Variants in NT5DC1 observed in about 807,000 individuals in gnomAD.
The protein encoded by NT5DC1 is 5'-nucleotidase domain containing 1.
NT5DC1 carries 42 observed loss-of-function variants against 59.4 expected under a neutral mutation model. The ratio of observed to expected loss-of-function variants is 0.71; its 90% CI spans 0.55 to 0.92. NT5DC1 has a LOEUF of 0.92. NT5DC1 is among the 40% of genes least tolerant of loss of function. NT5DC1 has a pLI of 0.00. For missense variants in NT5DC1, 501 were observed against 537.1 expected (o/e 0.93, Z 0.66); for synonymous variants, 172 against 188.1 (o/e 0.91, Z 0.70).
At chr6:116,221,373 AC>A (rs2114541120) in intron 7 of NT5DC1, 145 bp downstream of exon 7, 1 of 582,752 alleles carries the variant, frequency 1.7e-6, no homozygotes, top group African/African-American at 1.8e-5. Context: ...CTCATGACAT[AC>A]CTCAATCTCT....
At chr6:116,221,991 A>G (rs1370289560) in intron 7 of NT5DC1, among the ~76,000 whole-genome samples, 1 of 152,218 alleles carries the variant, frequency 6.6e-6, no homozygotes, top group Non-Finnish European at 1.5e-5. Context: ...TGTTTCCTCA[A>G]ATTCCATCAA....
rs146163463 is a variant in NT5DC1, at chr6:116,208,298, G to A, written c.530-12756G>A. On this transcript the variant is annotated intron_variant, in intron 6 of 11. Transcript: ENST00000319550. ...TTCCAGCTTCTCTCTTCTGAAGGAG[G>A]TGGAAGATTTCAAGTAAGGATAATG... Among the ~76,000 whole-genome samples, 333 of 152,094 alleles carry A rather than the reference G, an allele frequency of 2.2e-3. 1 individual carries two copies. Among genetic ancestry groups the A allele is most frequent in the African/African-American group, 7.8e-3 (322 of 41,524 alleles).
At chr6:116,233,535 G>GT (rs1450638671) in intron 8 of NT5DC1, among the ~76,000 whole-genome samples, 1 of 152,188 alleles carries the variant, frequency 6.6e-6, no homozygotes, top group Non-Finnish European at 1.5e-5. Context: ...TTTCCTGTTT[G>GT]TGGCAATACC....
At chr6:116,120,047 A>G (rs1779060777) in intron 6 of NT5DC1, 1 of 1,527,380 alleles carries the variant, frequency 6.5e-7, no homozygotes, top group East Asian at 2.4e-5. Flanking sequence ...TTTCTAGCAC[A>G]AGATTTAGAT....
chr6:116,116,590 C>T (rs1216027119), intron 5 of NT5DC1, among the ~76,000 whole-genome samples: 5 of 152,016 alleles, frequency 3.3e-5, no homozygotes, highest in East Asian at 1.9e-4. Flanking sequence ...TGCAGTGAGC[C>T]GAGATCACGC....
chr6:116,185,475 C>A (rs912956353), intron 6 of NT5DC1, among the ~76,000 whole-genome samples: 2 of 152,050 alleles, frequency 1.3e-5, no homozygotes. Context: ...AAGTCCCCCA[C>A]TATTATTGTG....
intron 11 of NT5DC1, among the ~76,000 whole-genome samples, chr6:116,240,348 T>C (rs911006409): frequency 2.0e-5 from 3 of 152,236 alleles, no homozygotes; most frequent in South Asian, 2.1e-4. Flanking sequence ...TTTAAAAATA[T>C]AGTATAATAA....
chr6:116,172,641 T>A (rs1468889248), intron 6 of NT5DC1, among the ~76,000 whole-genome samples: 7 of 152,134 alleles, frequency 4.6e-5, no homozygotes, highest in Non-Finnish European at 1.0e-4. Context: ...ACATATATAC[T>A]TTGTAAGGAA....
At chr6:116,242,288 C>T (rs1353762744) in intron 11 of NT5DC1, among the ~76,000 whole-genome samples, 1 of 151,806 alleles carries the variant, frequency 6.6e-6, no homozygotes, top group Non-Finnish European at 1.5e-5. Context: ...ACCCGGGAGG[C>T]GGAGATTGCG....
intron 6 of NT5DC1, among the ~76,000 whole-genome samples, chr6:116,197,312 A>G (rs1415305817): frequency 6.6e-6 from 1 of 151,954 alleles, no homozygotes; most frequent in Non-Finnish European, 1.5e-5. Flanking sequence ...CTGGTGGCCA[A>G]CTGAGACTTA....
At chr6:116,122,817 G>T (rs923409788) in intron 6 of NT5DC1, among the ~76,000 whole-genome samples, 3 of 152,110 alleles carry the variant, frequency 2.0e-5, no homozygotes, top group African/African-American at 7.2e-5. Flanking sequence ...TTCAGATTTA[G>T]ATTTTTTTTT....
At position 116,120,711 on chromosome 6, in the gene NT5DC1, G is replaced by C. The variant is rs1434601224; in HGVS notation, c.529+2766G>C. The C allele has an allele frequency of 2.6e-6, 4 of 1,562,002 alleles. No homozygotes were observed. In the South Asian group the frequency reaches 3.6e-5, roughly 14 times the overall value. On this transcript the variant is annotated intron_variant, in intron 6 of 11. Coordinates refer to ENST00000319550, the MANE Select transcript of NT5DC1 (RefSeq NM_152729.3). Reference sequence around the variant, plus strand: ...GGGCCAGGAGGACCGGGACTTCCTGGATCCCCTTTAGACCCAGGGAATCCT... The same window carrying C: ...GGGCCAGGAGGACCGGGACTTCCTGCATCCCCTTTAGACCCAGGGAATCCT...
chr6:116,171,059 C>G (rs1780593926), intron 6 of NT5DC1, among the ~76,000 whole-genome samples: 1 of 152,102 alleles, frequency 6.6e-6, no homozygotes, highest in Non-Finnish European at 1.5e-5. Flanking sequence ...TCTGTTTTTA[C>G]TGGCCTGTAA....
intron 6 of NT5DC1, among the ~76,000 whole-genome samples, chr6:116,184,632 G>A (rs9488865): frequency 0.51 from 76,674 of 151,724 alleles, 20,471 homozygotes; most frequent in African/African-American, 0.69. Flanking sequence ...ATATTTCCAG[G>A]AATTTATCCA....
chr6:116,112,908 G>A (rs1181473255), intron 4 of NT5DC1, among the ~76,000 whole-genome samples: 1 of 152,108 alleles, frequency 6.6e-6, no homozygotes, highest in East Asian at 1.9e-4. Context: ...AATCCTCAGA[G>A]TTAAGAACAG....
chr6:116,155,710 AAAC>A (rs947957192), intron 6 of NT5DC1, among the ~76,000 whole-genome samples: 28 of 151,274 alleles, frequency 1.9e-4, no homozygotes, highest in Admixed American at 1.8e-3. Context: ...CTGGGTGAAT[AAAC>A]AACACTGCAT....
At chr6:116,121,825 T>C in intron 6 of NT5DC1, 2 of 1,613,874 alleles carry the variant, frequency 1.2e-6, no homozygotes, top group Non-Finnish European at 8.5e-7. Flanking sequence ...CCGGTGGTCC[T>C]GGCAACCCTG....
At chr6:116,131,147 T>G (rs973695585) in intron 6 of NT5DC1, among the ~76,000 whole-genome samples, 2 of 152,232 alleles carry the variant, frequency 1.3e-5, no homozygotes, top group Non-Finnish European at 1.5e-5. Flanking sequence ...GAAGGAGATG[T>G]GTTTGCTGAT....
intron 6 of NT5DC1, among the ~76,000 whole-genome samples, chr6:116,184,964 T>G (rs577352845): frequency 4.6e-5 from 7 of 152,172 alleles, no homozygotes; most frequent in African/African-American, 1.7e-4. Flanking sequence ...GAGTGTGACC[T>G]TAGATTGTCT....
Sources: gnomAD v4.1 joint callset for allele counts (sites outside exome capture counted in the v4.1 genomes callset) on GRCh38, gnomAD v4.1.1 for gene constraint, MANE v1.5 for transcripts, NCBI Gene and HGNC (gene_info 2026-07-23, HGNC 2026-07-21) for gene names.